The following CCDC3 variants were observed in gnomAD, a reference collection of about 807,000 sequenced individuals.
CCDC3 encodes the protein coiled-coil domain-containing protein 3.
CCDC3 carries 24 observed loss-of-function variants against 21.4 expected under a neutral mutation model. The ratio of observed to expected loss-of-function variants is 1.12; its 90% CI spans 0.81 to 1.58. The LOEUF (loss-of-function observed/expected upper bound fraction) is 1.58. Ranked by LOEUF, CCDC3 falls within the 40% of genes most tolerant of loss-of-function variation. The pLI, the probability that CCDC3 is intolerant of heterozygous loss-of-function variation, is 0.00. For missense variants in CCDC3, 425 were observed against 360.9 expected (o/e 1.18, Z -1.44); for synonymous variants, 186 against 166.0 (o/e 1.12, Z -0.93).
intron 2 of CCDC3, among the ~76,000 whole-genome samples, chr10:12,910,207 C>G (rs1263560903): frequency 6.6e-6 from 1 of 152,244 alleles, no homozygotes; most frequent in African/African-American, 2.4e-5. Context: ...AGAGCTGACT[C>G]TCCTTGGATT....
At chr10:13,086,621 T>A (rs1313154795) in intron 3 of CCDC3, among the ~76,000 whole-genome samples, 2 of 152,114 alleles carry the variant, frequency 1.3e-5, no homozygotes, top group Admixed American at 6.5e-5. Context: ...TAATTTTTTG[T>A]ATTTTTAGTA....
intron 5 of CCDC3, among the ~76,000 whole-genome samples, chr10:13,031,870 G>A (rs766854805): frequency 5.9e-5 from 9 of 152,136 alleles, no homozygotes; most frequent in Non-Finnish European, 1.3e-4. Flanking sequence ...ATGAAAAAAA[G>A]TCCAGGACCA....
chr10:13,095,112 T>C (rs1832614855), intron 3 of CCDC3, among the ~76,000 whole-genome samples: 1 of 148,076 alleles, frequency 6.8e-6, no homozygotes, highest in Non-Finnish European at 1.5e-5. Flanking sequence ...ATTAGAGGCA[T>C]AGACACGCAC....
At chr10:12,936,252 G>T (rs561793637) in intron 2 of CCDC3, among the ~76,000 whole-genome samples, 1 of 152,146 alleles carries the variant, frequency 6.6e-6, no homozygotes, top group South Asian at 2.1e-4. Context: ...TTTTCTCTCA[G>T]CACTTTAAAT....
At chr10:12,908,120 C>T (rs1013507964) in intron 2 of CCDC3, among the ~76,000 whole-genome samples, 17 of 152,208 alleles carry the variant, frequency 1.1e-4, no homozygotes, top group South Asian at 2.1e-4. Flanking sequence ...AGTTCTACTA[C>T]AGAGATCATA....
At chr10:12,911,806 C>T (rs1008890538) in intron 2 of CCDC3, among the ~76,000 whole-genome samples, 1 of 152,204 alleles carries the variant, frequency 6.6e-6, no homozygotes, top group Non-Finnish European at 1.5e-5. Context: ...ACAGCATCTT[C>T]CAATACCCCT....
chr10:13,076,015 T>C (rs1256988710), intron 3 of CCDC3, among the ~76,000 whole-genome samples: 1 of 152,170 alleles, frequency 6.6e-6, no homozygotes, highest in Non-Finnish European at 1.5e-5. Flanking sequence ...TGAGCCAAGA[T>C]TGTGCCAGTG....
intron 4 of CCDC3, among the ~76,000 whole-genome samples, chr10:13,052,732 G>A (rs1297174580): frequency 6.6e-6 from 1 of 152,054 alleles, no homozygotes; most frequent in Non-Finnish European, 1.5e-5. Context: ...TTGAAGCCAG[G>A]AGTTCGAGAC....
chr10:13,067,643 C>T (rs774570715), intron 4 of CCDC3, among the ~76,000 whole-genome samples: 2 of 152,128 alleles, frequency 1.3e-5, no homozygotes, highest in Non-Finnish European at 2.9e-5. Context: ...TTTACAATGG[C>T]GGCCGGGTTC....
chr10:13,080,904 C>G (rs1316049262), intron 3 of CCDC3, among the ~76,000 whole-genome samples: 1 of 152,230 alleles, frequency 6.6e-6, no homozygotes, highest in East Asian at 1.9e-4. Context: ...TCACAAGGCC[C>G]CTCATCCCCA....
chr10:13,069,781 A>G (rs7091832), intron 4 of CCDC3, among the ~76,000 whole-genome samples: 50,709 of 152,114 alleles, frequency 0.33, 8,599 homozygotes, highest in African/African-American at 0.4. Context: ...AGTATACGCT[A>G]TCAATCATAA....
upstream of CCDC3, among the ~76,000 whole-genome samples, chr10:13,005,356 T>C (rs558992935): frequency 4.2e-4 from 64 of 152,364 alleles, no homozygotes; most frequent in African/African-American, 1.4e-3. Flanking sequence ...CACTTGCCCA[T>C]GCAACTTGCT....
rs1322035482 is a variant in CCDC3, at chr10:13,001,240, A to T, written c.331T>A (p.Ser111Thr). 1 of 1,583,288 alleles carries T rather than the reference A, an allele frequency of 6.3e-7. No individual in the cohort carries two copies. The highest frequency in any genetic ancestry group is 1.2e-5 in the South Asian group (1 of 86,338). Residue 111 changes from serine (S) to threonine (T), a missense_variant, in exon 1 of 3, where the codon TCC becomes ACC. Coordinates refer to ENST00000378825, the MANE Select transcript of CCDC3 (RefSeq NM_031455.4). Reference protein sequence around the residue: ...LTGLGYFSCHSHTVVQDYSYF... With the variant: ...LTGLGYFSCHTHTVVQDYSYF... ...GAGTAGTCCTGGACCACGGTGTGGG[A>T]GTGGCACGAGAAGTAGCCCAGGCCG... is the stretch of plus-strand genomic sequence containing the variant.
intron 3 of CCDC3, among the ~76,000 whole-genome samples, chr10:13,090,283 G>C (rs375487836): frequency 3.3e-5 from 5 of 151,740 alleles, no homozygotes; most frequent in East Asian, 1.9e-4. Context: ...GAGAGACAAG[G>C]TTTCACCATG....
intron 2 of CCDC3, among the ~76,000 whole-genome samples, chr10:12,978,449 G>A (rs1835448943): frequency 1.3e-5 from 2 of 152,208 alleles, no homozygotes; most frequent in Admixed American, 6.5e-5. Context: ...ATTATCCGAT[G>A]GAATCGGCTT....
chr10:13,095,546 C>T (rs1406293353), intron 3 of CCDC3, among the ~76,000 whole-genome samples: 1 of 152,134 alleles, frequency 6.6e-6, no homozygotes, highest in East Asian at 1.9e-4. Flanking sequence ...CAATAGGGTT[C>T]ACGCTCCTAT....
At chr10:13,042,766 G>A (rs1441617194) in intron 5 of CCDC3, among the ~76,000 whole-genome samples, 5 of 151,992 alleles carry the variant, frequency 3.3e-5, no homozygotes, top group Admixed American at 2.0e-4. Flanking sequence ...AAAATTAGCC[G>A]GGTGTGGTGG....
chr10:12,936,725 G>A (rs1321056383), intron 2 of CCDC3, among the ~76,000 whole-genome samples: 1 of 152,174 alleles, frequency 6.6e-6, no homozygotes, highest in East Asian at 1.9e-4. Context: ...TTAGGCAGAT[G>A]CTGAGGCCCC....
At chr10:13,032,137 T>C (rs1249144935) in intron 5 of CCDC3, among the ~76,000 whole-genome samples, 1 of 151,282 alleles carries the variant, frequency 6.6e-6, no homozygotes, top group Non-Finnish European at 1.5e-5. Flanking sequence ...AAAAAGCTTA[T>C]CCACCACAAT....
Sources: allele counts gnomAD v4.1 joint callset (sites outside exome capture counted in the v4.1 genomes callset), GRCh38; gene constraint gnomAD v4.1.1; transcripts MANE v1.5; gene names NCBI Gene and HGNC (gene_info 2026-07-23, HGNC 2026-07-21).